The following PARP8 variants were observed in gnomAD, a reference collection of about 807,000 sequenced individuals.
PARP8 encodes the protein protein mono-ADP-ribosyltransferase PARP8.
Under a neutral mutation model 124.1 loss-of-function variants are expected in PARP8, and 51 were observed. The ratio of observed to expected loss-of-function variants is 0.41; its 90% CI spans 0.33 to 0.52. The LOEUF is 0.52. Ranked by LOEUF, PARP8 falls within the 20% of genes least tolerant of loss-of-function variation. PARP8 has a pLI of 0.21. For synonymous variants in PARP8, 391 were observed against 361.5 expected (o/e 1.08, Z -0.93); for missense variants, 860 against 1,018.9 (o/e 0.84, Z 2.12).
intron 25 of PARP8, among the ~76,000 whole-genome samples, chr5:50,841,714 G>C (rs1748199237): frequency 6.6e-6 from 1 of 150,624 alleles, no homozygotes; most frequent in South Asian, 2.1e-4. Flanking sequence ...GAAGCTTCTT[G>C]CAACTCAGAC....
At chr5:50,723,337 T>G (rs767180054) in intron 2 of PARP8, among the ~76,000 whole-genome samples, 2 of 152,160 alleles carry the variant, frequency 1.3e-5, no homozygotes, top group African/African-American at 4.8e-5. Context: ...TTGTATTCTC[T>G]ACTAGGTATA....
intron 15 of PARP8, among the ~76,000 whole-genome samples, chr5:50,817,068 G>A (rs895360934): frequency 7.2e-5 from 11 of 152,016 alleles, no homozygotes; most frequent in African/African-American, 1.9e-4. Flanking sequence ...ACATTTTACC[G>A]TATGCAAGCT....
At chr5:50,744,321 G>C (rs1758330516) in intron 2 of PARP8, among the ~76,000 whole-genome samples, 1 of 152,300 alleles carries the variant, frequency 6.6e-6, no homozygotes, top group African/African-American at 2.4e-5. Flanking sequence ...TGGTAATGGA[G>C]TGATTGGGAA....
At chr5:50,704,250 T>C (rs747659699) in intron 2 of PARP8, among the ~76,000 whole-genome samples, 1 of 152,124 alleles carries the variant, frequency 6.6e-6, no homozygotes, top group Non-Finnish European at 1.5e-5. Flanking sequence ...CTCTTGTGTA[T>C]AGATATCCTC....
At chr5:50,787,468 C>T (rs993014291) in intron 9 of PARP8, among the ~76,000 whole-genome samples, 9 of 152,122 alleles carry the variant, frequency 5.9e-5, no homozygotes, top group African/African-American at 1.9e-4. Context: ...TCTTATCTAA[C>T]ATTTAAACCT....
At chr5:50,757,100 A>G (rs1334132476) in intron 3 of PARP8, 2 of 451,610 alleles carry the variant, frequency 4.4e-6, no homozygotes, top group South Asian at 3.1e-5. Context: ...GAACTTAAGA[A>G]GTTGTTTCCA....
At position 50,844,436 on chromosome 5, in the gene PARP8, A is replaced by G. The variant is rs1034726312; in HGVS notation, c.*2368A>G. Reference sequence around the variant, plus strand: ...TGTGTTTCTAAAGAATCTAATTTCAATTACTACCATTAACATATAAATGTG... The same window carrying G: ...TGTGTTTCTAAAGAATCTAATTTCAGTTACTACCATTAACATATAAATGTG... On this transcript the variant is annotated 3_prime_UTR_variant, in exon 26 of 26. Transcript: ENST00000281631. The G allele has an allele frequency of 6.6e-6, 1 of 151,808 alleles. No individual in the cohort carries two copies. Among genetic ancestry groups the G allele is most frequent in the African/African-American group, 2.4e-5 (1 of 41,400 alleles). 9.4% of individuals were successfully genotyped at this position (151,808 alleles called of 1,614,324 possible).
intron 2 of PARP8, among the ~76,000 whole-genome samples, chr5:50,681,511 G>A (rs1394780924): frequency 6.6e-6 from 1 of 152,014 alleles, no homozygotes; most frequent in African/African-American, 2.4e-5. Context: ...GATATCTGTA[G>A]CAGCAAGTTT....
chr5:50,751,560 G>C (rs1256321610), intron 3 of PARP8, among the ~76,000 whole-genome samples: 1 of 152,084 alleles, frequency 6.6e-6, no homozygotes, highest in East Asian at 1.9e-4. Flanking sequence ...GATGTAACCA[G>C]TATATCAAAA....
chr5:50,824,670 A>C (rs1435796175), intron 17 of PARP8, among the ~76,000 whole-genome samples: 1 of 152,126 alleles, frequency 6.6e-6, no homozygotes, highest in Non-Finnish European at 1.5e-5. Flanking sequence ...AAGCCAGGCT[A>C]AAATCGGGAC....
rs1044719171 is a variant in PARP8 at position 50,790,604 on chromosome 5, A to G, written c.737+2015A>G. On this transcript the variant is annotated intron_variant, in intron 10 of 25. Transcript: ENST00000281631. Reference sequence around the variant, plus strand: ...CTGATCAAAATAAGATAAGATTTACAAAAGTACACAGGTCTAGGAATAAAT... The same window carrying G: ...CTGATCAAAATAAGATAAGATTTACGAAAGTACACAGGTCTAGGAATAAAT... Among the ~76,000 whole-genome samples, 40 of 152,168 alleles carry G rather than the reference A, an allele frequency of 2.6e-4. 1 individual carries two copies. Among genetic ancestry groups the G allele is most frequent in the Admixed American group, 2.1e-3 (32 of 15,274 alleles).
chr5:50,826,882 A>T, intron 19 of PARP8, 79 bp downstream of exon 19: 1 of 1,526,942 alleles, frequency 6.5e-7, no homozygotes, highest in Non-Finnish European at 8.7e-7. Flanking sequence ...CTACCTTGTA[A>T]TTTTTAGCCA....
chr5:50,723,251 A>G (rs985246542), intron 2 of PARP8, among the ~76,000 whole-genome samples: 1 of 152,110 alleles, frequency 6.6e-6, no homozygotes, highest in African/African-American at 2.4e-5. Flanking sequence ...AACTCACTCC[A>G]GAATTCTAGA....
chr5:50,811,339 G>A (rs1190860542), intron 14 of PARP8, among the ~76,000 whole-genome samples: 1 of 151,790 alleles, frequency 6.6e-6, no homozygotes, highest in Non-Finnish European at 1.5e-5. Context: ...TTTATAATAA[G>A]CACTGAAATT....
At chr5:50,764,809 T>C (rs1160135689) in intron 7 of PARP8, among the ~76,000 whole-genome samples, 2 of 143,890 alleles carry the variant, frequency 1.4e-5, no homozygotes, top group African/African-American at 5.2e-5. Flanking sequence ...GGCTGTGTTT[T>C]TTTCTTTTTT....
In PARP8 at chr5:50,795,373, A is replaced by T; in HGVS notation, c.1384A>T (p.Ile462Phe). ...GAGGCTCTCTCTTACCTCAGGGCTTATTGGTATCCTAACACCATCTTCATC... is the reference window on the plus strand; with the variant it reads ...GAGGCTCTCTCTTACCTCAGGGCTTTTTGGTATCCTAACACCATCTTCATC... ...GRRLSLTSGL[I>F]GILTPSSSSS... Residue 462 changes from isoleucine to phenylalanine, a missense_variant, in exon 12 of 26, where the codon ATT (isoleucine) becomes TTT (phenylalanine). By Grantham distance (21) the Ile-to-Phe change is conservative. Around this residue, in one of 2 missense-constraint regions of PARP8, gnomAD observed 517 missense variants for 544.2 expected, o/e 0.95. Transcript: ENST00000281631. 3.7e-6 allele frequency: 6 copies of T among 1,612,328 alleles called. No individual in the cohort carries two copies. The highest frequency in any genetic ancestry group is 5.1e-6 in the Non-Finnish European group (6 of 1,179,382).
At chr5:50,683,369 T>C (rs563063290) in intron 2 of PARP8, among the ~76,000 whole-genome samples, 25 of 152,302 alleles carry the variant, frequency 1.6e-4, no homozygotes, top group African/African-American at 5.8e-4. Context: ...GAGATGTTTT[T>C]CTCATCATTC....
chr5:50,831,273 C>T lies in PARP8; in HGVS notation c.2233+1312C>T, dbSNP rs75775656. 1.7e-3 allele frequency among the ~76,000 whole-genome samples: 259 copies of T among 152,214 alleles called. 1 individual carries two copies. Among genetic ancestry groups the T allele is most frequent in the African/African-American group, 6.0e-3 (249 of 41,558 alleles). On this transcript the variant is annotated intron_variant, in intron 22 of 25. Transcript: ENST00000281631. Reference sequence around the variant, plus strand: ...TTAGGGCAAAATAACAGCTTCATTACGCTCATAGATTCTTTGGGTCAGGAA... The same window carrying T: ...TTAGGGCAAAATAACAGCTTCATTATGCTCATAGATTCTTTGGGTCAGGAA...
At chr5:50,819,736 C>T (rs1458718619) in intron 15 of PARP8, among the ~76,000 whole-genome samples, 3 of 152,018 alleles carry the variant, frequency 2.0e-5, no homozygotes, top group South Asian at 2.1e-4. Context: ...TGAGCCACTG[C>T]GCCCAACAAG....
Sources: gnomAD v4.1 joint callset for allele counts (sites outside exome capture counted in the v4.1 genomes callset) on GRCh38, gnomAD v4.1.1 for gene constraint, gnomAD v4.1.1 regional missense constraint, MANE v1.5 for transcripts, NCBI Gene and HGNC (gene_info 2026-07-23, HGNC 2026-07-21) for gene names.